Variants in ROR2 observed in about 807,000 individuals in gnomAD.
ROR2 encodes the protein ROR family WNT receptor 2.
In ROR2, 33 loss-of-function variants were observed where a neutral mutation model predicts 74.9. That is an observed-to-expected ratio of 0.44 (90% CI 0.33 to 0.59). ROR2 has a LOEUF of 0.59. Ranked by LOEUF, ROR2 falls within the 20% of genes least tolerant of loss-of-function variation. The pLI, the probability that ROR2 is intolerant of heterozygous loss-of-function variation, is 0.02. For synonymous variants in ROR2, 586 were observed against 558.7 expected (o/e 1.05, Z -0.69); for missense variants, 1,216 against 1,313.8 (o/e 0.93, Z 1.15).
chr9:91,827,251 T>C (rs1271396012), intron 1 of ROR2, among the ~76,000 whole-genome samples: 5 of 152,192 alleles, frequency 3.3e-5, no homozygotes, highest in Non-Finnish European at 4.4e-5. Context: ...ATCAACATTA[T>C]ATTATAAAAA....
At chr9:91,845,200 C>G (rs920582391) in intron 1 of ROR2, among the ~76,000 whole-genome samples, 2 of 152,116 alleles carry the variant, frequency 1.3e-5, no homozygotes, top group African/African-American at 4.8e-5. Context: ...TCCCCACCAC[C>G]CAGCACCCTC....
chr9:91,790,045 T>C (rs1826920271), intron 1 of ROR2, among the ~76,000 whole-genome samples: 1 of 152,100 alleles, frequency 6.6e-6, no homozygotes, highest in Admixed American at 6.5e-5. Flanking sequence ...TAATCTACAG[T>C]CATGTGCTCC....
At chr9:91,832,344 G>C (rs7855417) in intron 1 of ROR2, among the ~76,000 whole-genome samples, 32,661 of 127,914 alleles carry the variant, frequency 0.26, 4,277 homozygotes, top group Admixed American at 0.45. Context: ...AGGAGTCTTT[G>C]TCAACTTCTG....
chr9:91,948,837 GCCCGCCCTCCTCCACC>G, intron 1 of ROR2: 1 of 985,416 alleles, frequency 1.0e-6, no homozygotes, highest in South Asian at 4.7e-5. Flanking sequence ...TGAAGGCCCC[GCCCGCCCTCCTCCACC>G]CCCGCAGGGT....
intron 1 of ROR2, among the ~76,000 whole-genome samples, chr9:91,908,006 C>T (rs942249586): frequency 6.6e-6 from 1 of 152,198 alleles, no homozygotes; most frequent in African/African-American, 2.4e-5. Flanking sequence ...TGTGATGACA[C>T]TAATTGTTGT....
intron 1 of ROR2, among the ~76,000 whole-genome samples, chr9:91,831,726 A>G (rs1250227695): frequency 6.6e-6 from 1 of 151,594 alleles, no homozygotes; most frequent in Non-Finnish European, 1.5e-5. Flanking sequence ...GAGGCAGGAG[A>G]ATCGCTTGAA....
intron 2 of ROR2, among the ~76,000 whole-genome samples, chr9:91,775,401 T>C (rs1826385322): frequency 1.3e-5 from 2 of 152,016 alleles, no homozygotes; most frequent in Admixed American, 1.3e-4. Flanking sequence ...AGGAGGGCCG[T>C]CCATCTGCCC....
chr9:91,791,422 T>C (rs75684819), intron 1 of ROR2, among the ~76,000 whole-genome samples: 1 of 152,182 alleles, frequency 6.6e-6, no homozygotes, highest in Admixed American at 6.5e-5. Flanking sequence ...CAAAATAGCC[T>C]GGTGACATAT....
At chr9:91,804,911 C>A (rs926777641) in intron 1 of ROR2, among the ~76,000 whole-genome samples, 1 of 152,200 alleles carries the variant, frequency 6.6e-6, no homozygotes, top group Non-Finnish European at 1.5e-5. Flanking sequence ...TAGGAAATTC[C>A]TTTTTCTTTC....
chr9:91,780,246 A>G (rs7046894), intron 1 of ROR2, among the ~76,000 whole-genome samples: 35,197 of 151,904 alleles, frequency 0.23, 4,272 homozygotes, highest in Middle Eastern at 0.34. Context: ...GCATGGTGGC[A>G]GGAGCCTGTA....
intron 1 of ROR2, among the ~76,000 whole-genome samples, chr9:91,949,390 T>C (rs6479388): frequency 0.54 from 81,147 of 151,542 alleles, 24,820 homozygotes; most frequent in African/African-American, 0.85. Context: ...CCCAGGATTC[T>C]GCCAGGCATC....
chr9:91,762,870 C>T (rs943693691), intron 2 of ROR2, among the ~76,000 whole-genome samples: 3 of 152,140 alleles, frequency 2.0e-5, no homozygotes, highest in Non-Finnish European at 2.9e-5. Flanking sequence ...CACATTATTG[C>T]TATTGTAACA....
intron 1 of ROR2, among the ~76,000 whole-genome samples, chr9:91,840,913 T>A (rs1462161722): frequency 6.6e-6 from 1 of 152,276 alleles, no homozygotes; most frequent in African/African-American, 2.4e-5. Context: ...CCTATACATG[T>A]GAGACCATTA....
intron 5 of ROR2, 142 bp downstream of exon 5, chr9:91,737,249 A>T (rs1182240820): frequency 5.4e-6 from 6 of 1,111,516 alleles, no homozygotes; most frequent in Non-Finnish European, 8.0e-6. Context: ...TCTAAAAAAG[A>T]TCTCTGGTTT....
At chr9:91,887,356 T>C (rs1207166176) in intron 1 of ROR2, among the ~76,000 whole-genome samples, 1 of 152,200 alleles carries the variant, frequency 6.6e-6, no homozygotes, top group Non-Finnish European at 1.5e-5. Flanking sequence ...ATTAATATAG[T>C]ACTTCCCTAC....
intron 1 of ROR2, among the ~76,000 whole-genome samples, chr9:91,922,458 A>AT (rs569721605): frequency 0.017 from 2,650 of 151,572 alleles, 76 homozygotes; most frequent in African/African-American, 0.06. Context: ...TAATTTTTTT[A>AT]TTTTTTATTT....
At chr9:91,756,014 T>C in intron 4 of ROR2, 57 bp downstream of exon 4, 4 of 1,578,872 alleles carry the variant, frequency 2.5e-6, no homozygotes, top group Admixed American at 1.7e-5. Context: ...CCCGGATTCC[T>C]ACATAACAAA....
intron 4 of ROR2, among the ~76,000 whole-genome samples, chr9:91,749,129 C>T (rs541847137): frequency 6.6e-6 from 1 of 152,328 alleles, no homozygotes; most frequent in Non-Finnish European, 1.5e-5. Context: ...ATCAATCAAA[C>T]TTCTATTCAA....
At chr9:91,932,997 G>A (rs997275281) in intron 1 of ROR2, among the ~76,000 whole-genome samples, 8 of 152,156 alleles carry the variant, frequency 5.3e-5, no homozygotes, top group African/African-American at 1.7e-4. Flanking sequence ...TTTGTAGACA[G>A]TATCAAAAGT....
Sources: gnomAD v4.1 joint callset for allele counts (sites outside exome capture counted in the v4.1 genomes callset) on GRCh38, gnomAD v4.1.1 for gene constraint, MANE v1.5 for transcripts, NCBI Gene and HGNC (gene_info 2026-07-23, HGNC 2026-07-21) for gene names.